Variants in CTNNA2 observed in about 807,000 individuals in gnomAD.
CTNNA2 encodes the protein catenin alpha-2.
Under a neutral mutation model 101.0 loss-of-function variants are expected in CTNNA2, and 42 were observed. That is an observed-to-expected ratio of 0.42 (90% CI 0.32 to 0.54). The LOEUF is 0.54. Among genes scored for constraint, CTNNA2 ranks in the 20% least tolerant of loss-of-function variants. CTNNA2 has a pLI of 0.14. For missense variants in CTNNA2, 871 were observed against 1,223.1 expected, an observed-to-expected ratio of 0.71 and a Z score of 4.29; for synonymous variants, 450 against 456.4, an observed-to-expected ratio of 0.99 and a Z score of 0.18.
At chr2:80,180,279 A>G (rs1347135876) in intron 7 of CTNNA2, among the ~76,000 whole-genome samples, 1 of 152,226 alleles carries the variant, frequency 6.6e-6, no homozygotes, top group African/African-American at 2.4e-5. Context: ...CTGGAAATTG[A>G]TTGAGACACC....
intron 2 of CTNNA2, among the ~76,000 whole-genome samples, chr2:79,693,044 AT>A (rs1204517711): frequency 2.0e-5 from 3 of 151,990 alleles, no homozygotes; most frequent in African/African-American, 7.2e-5. Context: ...AATTAAAAAA[AT>A]AAAGCTATAT....
intron 18 of CTNNA2, among the ~76,000 whole-genome samples, chr2:80,647,137 A>T (rs956271128): frequency 6.6e-6 from 1 of 151,982 alleles, no homozygotes; most frequent in Non-Finnish European, 1.5e-5. Flanking sequence ...AAGCAAGAAC[A>T]CCCATGGATT....
intron 3 of CTNNA2, among the ~76,000 whole-genome samples, chr2:79,333,842 G>A (rs1447994562): frequency 1.3e-5 from 2 of 152,066 alleles, no homozygotes; most frequent in Non-Finnish European, 2.9e-5. Context: ...AAATAAACTA[G>A]AGATGATCTA....
At chr2:80,420,181 A>T (rs1446515071) in intron 9 of CTNNA2, among the ~76,000 whole-genome samples, 1 of 151,888 alleles carries the variant, frequency 6.6e-6, no homozygotes, top group Non-Finnish European at 1.5e-5. Context: ...GAGTTGTTTT[A>T]TAAATGCAAA....
intron 7 of CTNNA2, chr2:80,288,355 A>G (rs1674956824): frequency 6.6e-6 from 1 of 152,168 alleles, no homozygotes; most frequent in South Asian, 2.1e-4. Flanking sequence ...TAGGTGTTTC[A>G]TTACACTTGT....
In CTNNA2 at chr2:80,375,562, C is replaced by CTTTTTT. The variant is rs199662476; in HGVS notation, c.1057-17634_1057-17629dup. Among the ~76,000 whole-genome samples, 203 of 105,576 alleles carry CTTTTTT rather than the reference C, an allele frequency of 1.9e-3. 4 individuals are homozygous for CTTTTTT. The highest frequency in any genetic ancestry group is 6.2e-3 in the African/African-American group (149 of 24,044). 69.3% of individuals were successfully genotyped at this position (105,576 alleles called of 152,430 possible). A position where few individuals can be genotyped will look rare whatever the true frequency, so the allele number is the denominator to read the frequency against. On this transcript the variant is annotated intron_variant, in intron 7 of 18. Coordinates refer to ENST00000402739, the MANE Select transcript of CTNNA2 (RefSeq NM_001282597.3). ...CCTTTTGATTCCTGGTTTCTGGCTTCTTTTTTTTTTTTTTTTTTTTGAGAT... is the reference window on the plus strand; with the variant it reads ...CCTTTTGATTCCTGGTTTCTGGCTTCTTTTTTTTTTTTTTTTTTTTTTTTTTGAGAT...
At chr2:79,581,336 G>T (rs1676134485) in intron 1 of CTNNA2, among the ~76,000 whole-genome samples, 1 of 152,126 alleles carries the variant, frequency 6.6e-6, no homozygotes, top group Non-Finnish European at 1.5e-5. Flanking sequence ...GACCAGCCTG[G>T]CCAACATGGT....
chr2:79,659,872 C>T (rs902807050), intron 2 of CTNNA2, among the ~76,000 whole-genome samples: 3 of 152,066 alleles, frequency 2.0e-5, no homozygotes, highest in Non-Finnish European at 2.9e-5. Context: ...TGTGGTGGCA[C>T]ATGCCAGCTG....
chr2:79,353,237 T>C (rs1677432143), intron 3 of CTNNA2, among the ~76,000 whole-genome samples: 1 of 152,214 alleles, frequency 6.6e-6, no homozygotes, highest in Non-Finnish European at 1.5e-5. Flanking sequence ...TCTGGCTTAA[T>C]TTTGTTTACC....
intron 2 of CTNNA2, among the ~76,000 whole-genome samples, chr2:79,218,400 CG>C: frequency 6.8e-6 from 1 of 147,804 alleles, no homozygotes. Context: ...CCAGGCTGGT[CG>C]TGAACTCCTG....
At chr2:79,678,837 C>T (rs920987509) in intron 2 of CTNNA2, among the ~76,000 whole-genome samples, 2 of 152,174 alleles carry the variant, frequency 1.3e-5, no homozygotes, top group Admixed American at 1.3e-4. Context: ...GGCCTTTGGG[C>T]ATTCTTGAAA....
chr2:79,385,785 T>G (rs1216451682), intron 4 of CTNNA2, among the ~76,000 whole-genome samples: 1 of 152,130 alleles, frequency 6.6e-6, no homozygotes, highest in Non-Finnish European at 1.5e-5. Flanking sequence ...TATGTGGTGT[T>G]TGGTTTTCTG....
intron 3 of CTNNA2, among the ~76,000 whole-genome samples, chr2:79,349,978 G>A (rs1677349007): frequency 6.6e-6 from 1 of 150,802 alleles, no homozygotes; most frequent in Non-Finnish European, 1.5e-5. Context: ...GGAGGCTGAG[G>A]CAGGAGAATG....
At chr2:80,516,608 G>C (rs145392338) in intron 9 of CTNNA2, among the ~76,000 whole-genome samples, 14 of 152,292 alleles carry the variant, frequency 9.2e-5, no homozygotes, top group Non-Finnish European at 1.8e-4. Context: ...AGGAACATGT[G>C]AACTTTTTTA....
intron 3 of CTNNA2, among the ~76,000 whole-genome samples, chr2:79,838,010 T>C (rs1679523084): frequency 6.6e-6 from 1 of 152,144 alleles, no homozygotes; most frequent in Non-Finnish European, 1.5e-5. Context: ...ATAATAATCC[T>C]GGGCCAAGTC....
intron 11 of CTNNA2, among the ~76,000 whole-genome samples, chr2:80,552,370 A>G (rs1042436052): frequency 6.6e-6 from 1 of 152,230 alleles, no homozygotes; most frequent in Non-Finnish European, 1.5e-5. Flanking sequence ...ACACAATAAA[A>G]CAAGACATGC....
intron 9 of CTNNA2, among the ~76,000 whole-genome samples, chr2:80,453,721 A>G (rs1364646898): frequency 1.3e-5 from 2 of 152,278 alleles, no homozygotes; most frequent in East Asian, 3.9e-4. Flanking sequence ...GAATGTGAGG[A>G]CAGACAGGGT....
intron 4 of CTNNA2, among the ~76,000 whole-genome samples, chr2:79,378,064 A>T (rs576930186): frequency 1.1e-4 from 16 of 152,326 alleles, no homozygotes; most frequent in African/African-American, 3.8e-4. Context: ...TGGTATATGT[A>T]GGACACAGTA....
intron 1 of CTNNA2, among the ~76,000 whole-genome samples, chr2:79,552,641 A>G (rs1228452130): frequency 6.6e-6 from 1 of 152,114 alleles, no homozygotes; most frequent in African/African-American, 2.4e-5. Flanking sequence ...ATCTAGATAG[A>G]GGCTCCCAAG....
Sources: allele counts gnomAD v4.1 joint callset (sites outside exome capture counted in the v4.1 genomes callset), GRCh38; gene constraint gnomAD v4.1.1; transcripts MANE v1.5; gene names NCBI Gene and HGNC (gene_info 2026-07-23, HGNC 2026-07-21).